HECW2: variants seen among roughly 807,000 people sequenced by gnomAD.
HECW2 encodes the protein HECT, C2 and WW domain containing E3 ubiquitin protein ligase 2, also known as E3 ubiquitin-protein ligase HECW2.
A neutral mutation model predicts 175.2 loss-of-function variants in HECW2; 61 were observed. The ratio of observed to expected loss-of-function variants is 0.35; its 90% confidence interval spans 0.28 to 0.43. HECW2 has a LOEUF of 0.43. Among genes scored for constraint, HECW2 ranks in the 20% least tolerant of loss-of-function variants. HECW2 has a pLI of 1.00. For missense variants in HECW2, 1,524 were observed against 2,000.5 expected (o/e 0.76, Z 4.54); for synonymous variants, 671 against 731.0 (o/e 0.92, Z 1.32).
At chr2:196,227,410 T>A (rs1019404792) in intron 22 of HECW2, among the ~76,000 whole-genome samples, 2 of 152,100 alleles carry the variant, frequency 1.3e-5, no homozygotes, top group Admixed American at 1.3e-4. Flanking sequence ...ATTTTCAGCA[T>A]AAATAATCTT....
chr2:196,337,848 T>C (rs1692610079), intron 3 of HECW2, among the ~76,000 whole-genome samples: 1 of 152,154 alleles, frequency 6.6e-6, no homozygotes, highest in Non-Finnish European at 1.5e-5. Context: ...ATGAGCGGCA[T>C]CTGCTCTCTG....
At chr2:196,291,426 A>T (rs1047935377) in intron 14 of HECW2, 1 of 152,228 alleles carries the variant, frequency 6.6e-6, no homozygotes, top group Non-Finnish European at 1.5e-5. Flanking sequence ...TCTCTGAGAC[A>T]TGAATGCTGC....
intron 1 of HECW2, among the ~76,000 whole-genome samples, chr2:196,568,984 T>G (rs1028150526): frequency 6.6e-6 from 1 of 152,210 alleles, no homozygotes; most frequent in Non-Finnish European, 1.5e-5. Flanking sequence ...ATAACCATCC[T>G]GTTTTTTACT....
At chr2:196,444,029 T>G (rs1354796700) in intron 1 of HECW2, among the ~76,000 whole-genome samples, 1 of 152,204 alleles carries the variant, frequency 6.6e-6, no homozygotes, top group Non-Finnish European at 1.5e-5. Flanking sequence ...AGTGAGACCC[T>G]GTGGCAAAAA....
intron 19 of HECW2, among the ~76,000 whole-genome samples, chr2:196,251,315 C>T (rs1019772899): frequency 3.3e-5 from 5 of 152,220 alleles, no homozygotes; most frequent in Non-Finnish European, 7.3e-5. Context: ...CAGCTCATCC[C>T]TTAAATATTG....
chr2:196,378,759 C>T (rs1273380984), intron 2 of HECW2, among the ~76,000 whole-genome samples: 2 of 152,038 alleles, frequency 1.3e-5, no homozygotes, highest in East Asian at 3.8e-4. Flanking sequence ...AAGATAATTA[C>T]AAAATTCATA....
rs374237601 is a variant in HECW2 at position 196,203,972 on chromosome 2, T to G, written c.4608-2584A>C. ...TAAGTGGAATCTTAAAATATTTGTC[T>G]TTTGTGATTGGCTTATTTCACTTAG... On this transcript the variant is annotated intron_variant, in intron 28 of 28. Coordinates refer to ENST00000644978, the MANE Select transcript of HECW2 (RefSeq NM_001348768.2). Among the ~76,000 whole-genome samples the G allele has an allele frequency of 3.5e-3, 527 of 152,356 alleles. 1 individual carries two copies. The highest frequency in any genetic ancestry group is 6.0e-3 in the Non-Finnish European group (407 of 68,022).
chr2:196,361,720 T>C (rs1693594031), intron 2 of HECW2: 1 of 859,098 alleles, frequency 1.2e-6, no homozygotes, highest in Non-Finnish European at 1.4e-6. Flanking sequence ...CTTTTCAAAG[T>C]GAAAGGCAGA....
At chr2:196,235,648 CTTT>C (rs757874073) in intron 21 of HECW2, among the ~76,000 whole-genome samples, 7 of 78,900 alleles carry the variant, frequency 8.9e-5, no homozygotes, top group East Asian at 4.9e-4. Flanking sequence ...ATGCATTATT[CTTT>C]TTTTTTTTTT....
At chr2:196,324,938 CT>C in intron 6 of HECW2, 41 bp downstream of exon 6, 4 of 1,491,478 alleles carry the variant, frequency 2.7e-6, no homozygotes, top group Non-Finnish European at 2.7e-6. Flanking sequence ...ACTGGGCTGA[CT>C]TCCTCACCAT....
chr2:196,503,650 C>G (rs532718364), intron 1 of HECW2, among the ~76,000 whole-genome samples: 1 of 152,154 alleles, frequency 6.6e-6, no homozygotes, highest in African/African-American at 2.4e-5. Flanking sequence ...AGTGGTGTCT[C>G]CCCGTAACAG....
intron 2 of HECW2, among the ~76,000 whole-genome samples, chr2:196,344,209 A>G (rs2105832504): frequency 6.6e-6 from 1 of 152,150 alleles, no homozygotes; most frequent in Middle Eastern, 3.4e-3. Context: ...GTGAGTCAAG[A>G]TACAGCACAG....
chr2:196,262,545 T>G (rs1689340284), intron 17 of HECW2, among the ~76,000 whole-genome samples: 1 of 152,122 alleles, frequency 6.6e-6, no homozygotes, highest in Non-Finnish European at 1.5e-5. Flanking sequence ...ATAAGTTTCT[T>G]CAGGGCAAAA....
chr2:196,223,909 T>C (rs767153883), intron 23 of HECW2, among the ~76,000 whole-genome samples: 15 of 152,138 alleles, frequency 9.9e-5, no homozygotes, highest in Non-Finnish European at 1.8e-4. Context: ...AATCAGGAAA[T>C]GGTTTTATTG....
Position 196,289,248 on chromosome 2 carries a change from G to A in HECW2, c.3000+3317C>T, listed in dbSNP as rs1690509784. The A allele has an allele frequency of 2.0e-5, 3 of 152,222 alleles. No homozygotes were observed. In the South Asian group the frequency reaches 6.2e-4, roughly 32 times the overall value. The allele number at this position is 152,222 out of a possible 1,614,324, so 9.4% of individuals were successfully genotyped here. ...AAGAACCATTTCCTTTCATGCAGATGAGGATATGGACATCCTGTTTCATAT... is the reference window on the plus strand; with the variant it reads ...AAGAACCATTTCCTTTCATGCAGATAAGGATATGGACATCCTGTTTCATAT... On this transcript the variant is annotated intron_variant, in intron 14 of 28. Transcript: ENST00000644978.
chr2:196,584,562 G>A (rs1167396572), intron 1 of HECW2, among the ~76,000 whole-genome samples: 1 of 147,220 alleles, frequency 6.8e-6, no homozygotes, highest in Non-Finnish European at 1.5e-5. Flanking sequence ...TGAAGAGAAT[G>A]TGGATGTGTA....
At chr2:196,492,029 A>C (rs1322528602) in intron 1 of HECW2, among the ~76,000 whole-genome samples, 1 of 152,234 alleles carries the variant, frequency 6.6e-6, no homozygotes, top group Admixed American at 6.5e-5. Flanking sequence ...TCTGAATCTG[A>C]GTGAACACTT....
intron 2 of HECW2, among the ~76,000 whole-genome samples, chr2:196,416,446 C>T (rs1695259247): frequency 6.6e-6 from 1 of 152,148 alleles, no homozygotes; most frequent in African/African-American, 2.4e-5. Context: ...TTAAATGGTG[C>T]TATTAAAAAA....
At chr2:196,474,577 G>C (rs1378145899) in intron 1 of HECW2, among the ~76,000 whole-genome samples, 4 of 152,210 alleles carry the variant, frequency 2.6e-5, no homozygotes, top group African/African-American at 9.6e-5. Flanking sequence ...AAAGGTCACA[G>C]GCCTTTAGTA....
Sources: allele counts gnomAD v4.1 joint callset (sites outside exome capture counted in the v4.1 genomes callset), GRCh38; gene constraint gnomAD v4.1.1; transcripts MANE v1.5; gene names NCBI Gene and HGNC (gene_info 2026-07-23, HGNC 2026-07-21).